The following DSCAML1 variants were observed in gnomAD, a reference collection of about 807,000 sequenced individuals.
DSCAML1 encodes the protein cell adhesion molecule DSCAML1.
Under a neutral mutation model 200.5 loss-of-function variants are expected in DSCAML1, and 38 were observed. That is an observed-to-expected ratio of 0.19 (90% CI 0.15 to 0.25). The LOEUF (loss-of-function observed/expected upper bound fraction) is 0.25. Ranked by LOEUF, DSCAML1 falls within the 10% of genes least tolerant of loss-of-function variation. The pLI, the probability that DSCAML1 is intolerant of heterozygous loss-of-function variation, is 1.00. For missense variants in DSCAML1, 2,223 were observed against 2,858.8 expected (o/e 0.78, Z 5.07); for synonymous variants, 1,215 against 1,165.0 (o/e 1.04, Z -0.87).
chr11:117,492,803 G>A (rs988196678), intron 11 of DSCAML1, among the ~76,000 whole-genome samples: 2 of 152,214 alleles, frequency 1.3e-5, no homozygotes, highest in Admixed American at 6.5e-5. Context: ...GGCTGGGGGC[G>A]GAGTGGGGAG....
intron 3 of DSCAML1, among the ~76,000 whole-genome samples, chr11:117,570,891 T>C (rs1480860852): frequency 6.6e-6 from 1 of 152,242 alleles, no homozygotes; most frequent in Non-Finnish European, 1.5e-5. Flanking sequence ...CTTGTTCCTT[T>C]GAGGAGCTCA....
intron 30 of DSCAML1, 24 bp downstream of exon 30, chr11:117,432,328 T>C (rs376036192): frequency 6.2e-7 from 1 of 1,601,308 alleles, no homozygotes; most frequent in African/African-American, 1.3e-5. Context: ...GGAAAAGGGC[T>C]GTCTCCCTGG....
In DSCAML1 at chr11:117,797,048, T is replaced by G. The variant is rs1168950806; in HGVS notation, c.32A>C (p.Asp11Ala). Reference protein sequence around the residue: MWLVTFLLLLDSLHKARPEDV... With the variant: MWLVTFLLLLASLHKARPEDV... ...GCAGGTCTCACCTTTGTGTAAAGAG[T>G]CCAGGAGCAGGAGGAAAGTTACCAG... is the stretch of plus-strand genomic sequence containing the variant. The change falls in exon 1 of 33, where the codon GAC becomes GCC. Residue 11 changes from aspartate (D) to alanine (A), a missense_variant. Physicochemically the swap from Asp to Ala is moderately radical, Grantham distance 126. Coordinates refer to ENST00000651296, the MANE Select transcript of DSCAML1 (RefSeq NM_020693.4). The G allele has an allele frequency of 1.3e-6, 2 of 1,562,510 alleles. No individual in the cohort carries two copies. The highest frequency in any genetic ancestry group is 2.3e-5 in the South Asian group (2 of 86,460).
rs553818702 is a variant in DSCAML1 at position 117,453,988 on chromosome 11, C to T, written c.3569-3300G>A. On this transcript the variant is annotated intron_variant, in intron 19 of 32. Transcript: ENST00000651296. ...TGAACTCCTGACCTCATGATCGACC[C>T]GCCTCAGCCTCCCAAAGTGCAGATT... Among the ~76,000 whole-genome samples the T allele has an allele frequency of 5.0e-4, 76 of 152,122 alleles. 1 individual carries two copies. The highest frequency in any genetic ancestry group is 1.4e-3 in the African/African-American group (56 of 41,470).
chr11:117,604,103 G>A (rs2051517907), intron 3 of DSCAML1, among the ~76,000 whole-genome samples: 1 of 152,202 alleles, frequency 6.6e-6, no homozygotes, highest in Non-Finnish European at 1.5e-5. Flanking sequence ...CTTGCACCCA[G>A]ATATTCTGGA....
chr11:117,453,350 T>A (rs904262949), intron 19 of DSCAML1, among the ~76,000 whole-genome samples: 1 of 152,244 alleles, frequency 6.6e-6, no homozygotes, highest in African/African-American at 2.4e-5. Flanking sequence ...CTGCCTTTAC[T>A]CGTTGCATCA....
chr11:117,473,449 A>G (rs1285018841), intron 14 of DSCAML1, among the ~76,000 whole-genome samples: 4 of 152,182 alleles, frequency 2.6e-5, no homozygotes, highest in Admixed American at 1.3e-4. Context: ...GTGAACCAAG[A>G]TCATGCCACT....
chr11:117,803,817 A>C (rs957614484), intron 1 of DSCAML1, among the ~76,000 whole-genome samples: 15 of 152,232 alleles, frequency 9.9e-5, no homozygotes, highest in African/African-American at 3.1e-4. Flanking sequence ...AGAGAAAGTC[A>C]AGGCCCAGGC....
At chr11:117,455,872 G>A (rs1040430671) in intron 19 of DSCAML1, among the ~76,000 whole-genome samples, 2 of 152,096 alleles carry the variant, frequency 1.3e-5, no homozygotes, top group African/African-American at 4.8e-5. Context: ...AGAGTTGACT[G>A]CTACCCTCTG....
Position 117,505,585 on chromosome 11 carries a change from G to T in DSCAML1, c.1931C>A (p.Thr644Asn), listed in dbSNP as rs1030316541. The change falls in exon 9 of 33, where the codon ACC becomes AAC. Residue 644 changes from threonine to asparagine, a missense_variant. Thr to Asn is a moderately conservative substitution (Grantham distance 65). Around this residue, in one of 7 missense-constraint regions of DSCAML1, gnomAD observed 212 missense variants for 368.0 expected, o/e 0.58. Coordinates refer to ENST00000651296, the MANE Select transcript of DSCAML1 (RefSeq NM_020693.4). The surrounding 1 kb of genome is among the most constrained non-coding windows in gnomAD (Gnocchi z 6.7). ...GCTCATGAATTCCTTGCTCTCGATG[G>T]TCACGCCCGAGCCTGAGATGATCAC... is the stretch of plus-strand genomic sequence containing the variant. ...GQVIISGSGV[T>N]IESKEFMSSL... 2 of 1,613,852 alleles carry T rather than the reference G, an allele frequency of 1.2e-6. No individual in the cohort carries two copies.
intron 3 of DSCAML1, among the ~76,000 whole-genome samples, chr11:117,607,280 C>T (rs560551575): frequency 6.6e-6 from 1 of 152,254 alleles, no homozygotes; most frequent in Non-Finnish European, 1.5e-5. Context: ...TGACAGGAAG[C>T]GGGAGGAGAG....
intron 3 of DSCAML1, among the ~76,000 whole-genome samples, chr11:117,655,775 C>T (rs1294005063): frequency 1.3e-5 from 2 of 152,186 alleles, no homozygotes; most frequent in African/African-American, 4.8e-5. Flanking sequence ...GGAGAAAAGG[C>T]ATATTTGAGG....
At chr11:117,635,436 CTAGTGTGTG>C (rs911498371) in intron 3 of DSCAML1, among the ~76,000 whole-genome samples, 1 of 149,066 alleles carries the variant, frequency 6.7e-6, no homozygotes, top group African/African-American at 2.5e-5. Context: ...GCAGAACGTC[CTAGTGTGTG>C]TGGTGTGTGT....
At chr11:117,641,336 A>G (rs904394286) in intron 3 of DSCAML1, among the ~76,000 whole-genome samples, 1 of 152,180 alleles carries the variant, frequency 6.6e-6, no homozygotes, top group African/African-American at 2.4e-5. Flanking sequence ...TTAGCTCTTT[A>G]TCTTTCAAGT....
At chr11:117,701,668 C>T (rs933570736) in intron 3 of DSCAML1, among the ~76,000 whole-genome samples, 3 of 152,186 alleles carry the variant, frequency 2.0e-5, no homozygotes, top group African/African-American at 7.2e-5. Flanking sequence ...ATTCCTGCAT[C>T]TTCAAACAAA....
intron 4 of DSCAML1, among the ~76,000 whole-genome samples, chr11:117,527,835 T>C (rs995008039): frequency 1.3e-5 from 2 of 152,222 alleles, no homozygotes; most frequent in African/African-American, 2.4e-5. Context: ...ATCTCTGTTC[T>C]CTTCCCACCT....
chr11:117,609,027 C>CA lies in DSCAML1; in HGVS notation c.512-76506dup, dbSNP rs746493110. ...GCAAACAAACAAACAAACAAACAAACAAACAAACAAAAAAAACAAAAATTG... is the reference window on the plus strand; with the variant it reads ...GCAAACAAACAAACAAACAAACAAACAAAACAAACAAAAAAAACAAAAATTG... On this transcript the variant is annotated intron_variant, in intron 3 of 32. Coordinates refer to ENST00000651296, the MANE Select transcript of DSCAML1 (RefSeq NM_020693.4). Among the ~76,000 whole-genome samples, 137 of 110,930 alleles carry CA rather than the reference C, an allele frequency of 1.2e-3. 1 individual carries two copies. Among genetic ancestry groups the CA allele is most frequent in the East Asian group, 7.4e-3 (23 of 3,092 alleles). 72.8% of individuals were successfully genotyped at this position (110,930 alleles called of 152,430 possible).
chr11:117,488,944 C>T (rs1465829616), intron 11 of DSCAML1, among the ~76,000 whole-genome samples: 4 of 152,244 alleles, frequency 2.6e-5, no homozygotes, highest in African/African-American at 7.2e-5. Flanking sequence ...TCCCGCATGC[C>T]CAGGTTCCCC....
chr11:117,433,826 T>G (rs1451704227), intron 27 of DSCAML1, among the ~76,000 whole-genome samples: 1 of 152,210 alleles, frequency 6.6e-6, no homozygotes, highest in Non-Finnish European at 1.5e-5. Flanking sequence ...AGTGGAAGAT[T>G]TATCTTCAGT....
Sources: gnomAD v4.1 joint callset for allele counts (sites outside exome capture counted in the v4.1 genomes callset) on GRCh38, gnomAD v4.1.1 for gene constraint, gnomAD v4.1.1 regional missense constraint, Gnocchi (gnomAD v3.1) non-coding constraint, MANE v1.5 for transcripts, NCBI Gene and HGNC (gene_info 2026-07-23, HGNC 2026-07-21) for gene names.